The following LAMA2 variants were observed in gnomAD, a reference collection of about 807,000 sequenced individuals.
The protein encoded by LAMA2 is laminin subunit alpha-2.
Under a neutral mutation model 364.8 loss-of-function variants are expected in LAMA2, and 269 were observed. The ratio of observed to expected loss-of-function variants is 0.74; its 90% CI spans 0.67 to 0.82. The LOEUF is 0.82. Among genes scored for constraint, LAMA2 ranks in the 40% least tolerant of loss-of-function variants. LAMA2 has a pLI of 0.00. For synonymous variants in LAMA2, 1,379 were observed against 1,370.6 expected (o/e 1.01, Z -0.14); for missense variants, 3,807 against 3,873.2 (o/e 0.98, Z 0.45).
intron 40 of LAMA2, among the ~76,000 whole-genome samples, chr6:129,408,952 T>G (rs1350810875): frequency 6.6e-6 from 1 of 152,230 alleles, no homozygotes; most frequent in Non-Finnish European, 1.5e-5. Flanking sequence ...TTCACAGTTT[T>G]TGACCACTCA....
intron 12 of LAMA2, among the ~76,000 whole-genome samples, chr6:129,247,014 A>G (rs1371486487): frequency 6.6e-6 from 1 of 152,216 alleles, no homozygotes; most frequent in Non-Finnish European, 1.5e-5. Context: ...CAACACCAGG[A>G]AAAGCTTGAT....
intron 41 of LAMA2, among the ~76,000 whole-genome samples, chr6:129,429,431 T>G (rs1781483013): frequency 6.6e-6 from 1 of 152,206 alleles, no homozygotes; most frequent in African/African-American, 2.4e-5. Context: ...TTATCTTACT[T>G]ATCTTAGAAA....
At chr6:129,494,937 T>A (rs555070795) in intron 58 of LAMA2, among the ~76,000 whole-genome samples, 1 of 152,336 alleles carries the variant, frequency 6.6e-6, no homozygotes, top group South Asian at 2.1e-4. Flanking sequence ...CCTTGGATCC[T>A]AATGTCCACT....
chr6:128,895,822 T>C (rs1776738620), intron 1 of LAMA2, among the ~76,000 whole-genome samples: 1 of 152,218 alleles, frequency 6.6e-6, no homozygotes, highest in Admixed American at 6.5e-5. Context: ...TCTCAAAATA[T>C]GGAATTTCCT....
intron 1 of LAMA2, among the ~76,000 whole-genome samples, chr6:129,025,626 CA>C (rs1483116828): frequency 2.0e-5 from 3 of 152,006 alleles, no homozygotes; most frequent in African/African-American, 7.2e-5. Flanking sequence ...AAATTTAAAT[CA>C]AGGAAACCAT....
chr6:129,246,873 G>A (rs563370766), intron 12 of LAMA2, among the ~76,000 whole-genome samples: 6 of 152,204 alleles, frequency 3.9e-5, no homozygotes, highest in East Asian at 1.9e-4. Context: ...AAAGGGCAAC[G>A]TATACTCAGA....
rs1277191388 is a variant in LAMA2, at chr6:128,888,432, G to T, written c.112+5075G>T. Among the ~76,000 whole-genome samples the T allele has an allele frequency of 3.9e-5, 6 of 152,300 alleles. No homozygotes were observed. In the South Asian group the frequency reaches 1.2e-3, roughly 32 times the overall value. On this transcript the variant is annotated intron_variant, in intron 1 of 64. Transcript: ENST00000421865. The stretch of plus-strand genomic sequence containing the variant: ...ATGAATATATGATGAAGCAACAAAA[G>T]AACACCTATATTGTATAAAATGTAG...
At chr6:129,081,245 G>A (rs865876040) in intron 3 of LAMA2, among the ~76,000 whole-genome samples, 3 of 151,908 alleles carry the variant, frequency 2.0e-5, no homozygotes, top group African/African-American at 7.2e-5. Flanking sequence ...GCCTGTTGTG[G>A]GGTGGGGTGA....
chr6:129,129,757 T>A (rs1029223349), intron 4 of LAMA2, among the ~76,000 whole-genome samples: 7 of 151,448 alleles, frequency 4.6e-5, no homozygotes, highest in Admixed American at 1.3e-4. Context: ...ACCCCGTCTC[T>A]ACTAAAAATA....
intron 1 of LAMA2, among the ~76,000 whole-genome samples, chr6:128,920,566 C>T (rs1778637613): frequency 6.6e-6 from 1 of 151,966 alleles, no homozygotes; most frequent in South Asian, 2.1e-4. Context: ...CTAATCAAAC[C>T]CTTTTCCCAA....
chr6:128,920,717 A>G (rs906043990), intron 1 of LAMA2, among the ~76,000 whole-genome samples: 2 of 150,972 alleles, frequency 1.3e-5, no homozygotes, highest in Non-Finnish European at 2.9e-5. Flanking sequence ...ATGCATATAT[A>G]TGCACACATG....
At chr6:129,435,015 A>G (rs1257349741) in intron 41 of LAMA2, among the ~76,000 whole-genome samples, 2 of 152,130 alleles carry the variant, frequency 1.3e-5, no homozygotes, top group African/African-American at 2.4e-5. Context: ...AAAAAAATGC[A>G]GAGAATCAAA....
chr6:129,356,042 T>G (rs1187430303), intron 32 of LAMA2, among the ~76,000 whole-genome samples: 1 of 152,258 alleles, frequency 6.6e-6, no homozygotes. Context: ...ATGCAGGAAC[T>G]GTGAAAGGAC....
intron 3 of LAMA2, among the ~76,000 whole-genome samples, chr6:129,064,129 T>G (rs887648721): frequency 6.6e-6 from 1 of 151,958 alleles, no homozygotes; most frequent in Non-Finnish European, 1.5e-5. Flanking sequence ...GGAGGGAATT[T>G]TGGAAAATTC....
At chr6:129,005,817 T>C (rs1279234084) in intron 1 of LAMA2, among the ~76,000 whole-genome samples, 2 of 151,096 alleles carry the variant, frequency 1.3e-5, no homozygotes, top group African/African-American at 2.4e-5. Flanking sequence ...ATGGATTATA[T>C]CTACATATAT....
intron 12 of LAMA2, among the ~76,000 whole-genome samples, chr6:129,249,911 C>G (rs979874805): frequency 6.6e-6 from 1 of 152,154 alleles, no homozygotes; most frequent in Non-Finnish European, 1.5e-5. Flanking sequence ...ATGTTTATGT[C>G]AGGCTTGCAG....
chr6:129,274,951 A>G (rs1007332110), intron 17 of LAMA2, among the ~76,000 whole-genome samples: 2 of 152,056 alleles, frequency 1.3e-5, no homozygotes, highest in African/African-American at 4.8e-5. Flanking sequence ...TTCATCAGTT[A>G]TATAATAAAA....
chr6:129,147,400 A>T (rs550819390), intron 6 of LAMA2, among the ~76,000 whole-genome samples: 4 of 151,668 alleles, frequency 2.6e-5, no homozygotes, highest in African/African-American at 9.7e-5. Flanking sequence ...TAAAGTTTCT[A>T]ATCAAAAAAT....
rs190822390 is a variant in LAMA2, at chr6:128,883,809, C to T, written c.112+452C>T. ...AATTATATATATATATATACACACA[C>T]ACACACACACACACACACACACACA... On this transcript the variant is annotated intron_variant, in intron 1 of 64. Transcript: ENST00000421865. Among the ~76,000 whole-genome samples, 21 of 128,682 alleles carry T rather than the reference C, an allele frequency of 1.6e-4. 1 individual carries two copies. The highest frequency in any genetic ancestry group is 5.0e-4 in the South Asian group (2 of 4,034). 84.4% of individuals were successfully genotyped at this position (128,682 alleles called of 152,430 possible).
Sources: gnomAD v4.1 joint callset for allele counts (sites outside exome capture counted in the v4.1 genomes callset) on GRCh38, gnomAD v4.1.1 for gene constraint, MANE v1.5 for transcripts, NCBI Gene and HGNC (gene_info 2026-07-23, HGNC 2026-07-21) for gene names.